TAFA5: variants seen among roughly 807,000 people sequenced by gnomAD.
TAFA5 encodes the protein TAFA chemokine like family member 5, also known as chemokine-like protein TAFA-5.
TAFA5 carries 6 observed loss-of-function variants against 15.3 expected under a neutral mutation model. That is an observed-to-expected ratio of 0.39 (90% CI 0.21 to 0.77). The LOEUF is 0.77. Among genes scored for constraint, TAFA5 ranks in the 30% least tolerant of loss-of-function variants. The probability of loss-of-function intolerance (pLI) is 0.41; values close to 1 mark genes in which losing one functional copy is unlikely to be tolerated. For synonymous variants in TAFA5, 103 were observed against 80.7 expected (o/e 1.28, Z -1.48); for missense variants, 161 against 193.1 (o/e 0.83, Z 0.98).
chr22:48,581,160 G>A lies in TAFA5; in HGVS notation c.113-65437G>A, dbSNP rs958347793. On this transcript the variant is annotated intron_variant, in intron 1 of 3. Coordinates refer to ENST00000402357, the MANE Select transcript of TAFA5 (RefSeq NM_001082967.3). The stretch of plus-strand genomic sequence containing the variant: ...CACCGTAATGGGATTCTCATCTGCT[G>A]TGTCTCTGACAACTGTAAAAGTTAG... Among the ~76,000 whole-genome samples, 5 of 152,264 alleles carry A rather than the reference G, an allele frequency of 3.3e-5. No homozygotes were observed. The East Asian group carries it at 9.6e-4, about 29-fold the overall frequency.
At chr22:48,720,158 C>T (rs534983203) in intron 3 of TAFA5, among the ~76,000 whole-genome samples, 24 of 152,188 alleles carry the variant, frequency 1.6e-4, no homozygotes, top group Non-Finnish European at 3.1e-4. Context: ...GTGGGTGTGG[C>T]GGGGCTGGGG....
chr22:48,604,757 A>G (rs67694076), intron 1 of TAFA5, among the ~76,000 whole-genome samples: 24,831 of 152,062 alleles, frequency 0.16, 2,556 homozygotes, highest in African/African-American at 0.29. Context: ...AGGAACAGGA[A>G]TTTGGGGAGG....
At chr22:48,721,270 C>T (rs1929561098) in intron 3 of TAFA5, among the ~76,000 whole-genome samples, 1 of 152,224 alleles carries the variant, frequency 6.6e-6, no homozygotes, top group Non-Finnish European at 1.5e-5. Flanking sequence ...CAGCCTGGGC[C>T]ACTGCCCCCG....
At chr22:48,618,573 A>C (rs115756936) in intron 1 of TAFA5, among the ~76,000 whole-genome samples, 2,229 of 151,910 alleles carry the variant, frequency 0.015, 57 homozygotes, top group African/African-American at 0.051. Context: ...CCGTCTGGGA[A>C]GTCCTGGAGG....
intron 2 of TAFA5, among the ~76,000 whole-genome samples, chr22:48,655,235 G>A (rs1927193491): frequency 6.6e-6 from 1 of 152,244 alleles, no homozygotes; most frequent in South Asian, 2.1e-4. Context: ...CTGGCAGGAT[G>A]CAGAGTGGAC....
chr22:48,536,187 C>CCGACACA (rs1922156298), intron 1 of TAFA5, among the ~76,000 whole-genome samples: 2 of 152,180 alleles, frequency 1.3e-5, no homozygotes, highest in African/African-American at 4.8e-5. Flanking sequence ...CCCCCATGCC[C>CCGACACA]CGACACACAC....
Position 48,552,172 on chromosome 22 carries a change from C to A in TAFA5, c.112+62468C>A, listed in dbSNP as rs1022621268. ...CACCAGAGAGCCCCTCCCAAGGAGT[C>A]ACCAGTCACAGCGGACCTCACATGG... On this transcript the variant is annotated intron_variant, in intron 1 of 3. Transcript: ENST00000402357. This position sits in a 1 kb window ranked among gnomAD's most constrained non-coding sequence, Gnocchi z 4.1. Among the ~76,000 whole-genome samples the A allele has an allele frequency of 1.7e-4, 26 of 152,204 alleles. No homozygotes were observed. Among genetic ancestry groups the A allele is most frequent in the African/African-American group, 6.3e-4 (26 of 41,448 alleles).
chr22:48,674,993 G>A (rs1168451332), intron 2 of TAFA5, among the ~76,000 whole-genome samples: 2 of 151,328 alleles, frequency 1.3e-5, no homozygotes, highest in Non-Finnish European at 1.5e-5. Context: ...CAGGCTTGGA[G>A]TGCAGTGGCG....
At chr22:48,497,107 T>C (rs5768680) in intron 1 of TAFA5, among the ~76,000 whole-genome samples, 61,396 of 151,968 alleles carry the variant, frequency 0.4, 13,665 homozygotes, top group African/African-American at 0.59. Context: ...CCAGCTCCAC[T>C]CCCCACGGGC....
At chr22:48,547,268 T>G (rs1238704037) in intron 1 of TAFA5, 2 of 152,312 alleles carry the variant, frequency 1.3e-5, no homozygotes, top group Non-Finnish European at 2.9e-5. Context: ...GAAGCTCCTC[T>G]TCCTCTGCTG....
chr22:48,527,907 T>G (rs915686514), intron 1 of TAFA5, among the ~76,000 whole-genome samples: 1 of 152,184 alleles, frequency 6.6e-6, no homozygotes, highest in Non-Finnish European at 1.5e-5. Context: ...CCGTAACAGG[T>G]GCAATCCCGC....
intron 1 of TAFA5, among the ~76,000 whole-genome samples, chr22:48,500,308 T>G (rs1387123668): frequency 1.3e-5 from 2 of 152,206 alleles, no homozygotes; most frequent in African/African-American, 4.8e-5. Flanking sequence ...AAAGTGATGC[T>G]TGTTTGCTTT....
intron 2 of TAFA5, among the ~76,000 whole-genome samples, chr22:48,678,848 C>A (rs1322736549): frequency 1.3e-5 from 2 of 152,310 alleles, no homozygotes; most frequent in African/African-American, 4.8e-5. Context: ...ATGTTGGAAG[C>A]CTGTCTCTGA....
intron 2 of TAFA5, among the ~76,000 whole-genome samples, chr22:48,659,022 G>A (rs1927343781): frequency 6.6e-6 from 1 of 152,178 alleles, no homozygotes; most frequent in Non-Finnish European, 1.5e-5. Context: ...CAGGACACCC[G>A]GGGACCTTGA....
At chr22:48,746,310 C>G (rs1197450586) in intron 3 of TAFA5, among the ~76,000 whole-genome samples, 1 of 151,922 alleles carries the variant, frequency 6.6e-6, no homozygotes, top group Non-Finnish European at 1.5e-5. Context: ...CCCAGTCACC[C>G]GTCACTCTCA....
At chr22:48,577,714 C>G (rs9615929) in intron 1 of TAFA5, among the ~76,000 whole-genome samples, 1 of 152,230 alleles carries the variant, frequency 6.6e-6, no homozygotes, top group Non-Finnish European at 1.5e-5. Flanking sequence ...CTCCACGGGC[C>G]TGGTGTCCAC....
intron 1 of TAFA5, among the ~76,000 whole-genome samples, chr22:48,629,298 C>G (rs990445303): frequency 6.6e-6 from 1 of 152,172 alleles, no homozygotes; most frequent in African/African-American, 2.4e-5. Context: ...TCCCATCCTC[C>G]GGCTCAGGAA....
At chr22:48,655,456 A>G (rs1174852976) in intron 2 of TAFA5, among the ~76,000 whole-genome samples, 1 of 152,150 alleles carries the variant, frequency 6.6e-6, no homozygotes, top group African/African-American at 2.4e-5. Flanking sequence ...TTGTGTGGTG[A>G]GGGCTGCATT....
chr22:48,523,442 T>G (rs1459939045), intron 1 of TAFA5, among the ~76,000 whole-genome samples: 3 of 152,236 alleles, frequency 2.0e-5, no homozygotes, highest in African/African-American at 4.8e-5. Flanking sequence ...ACTTATCTCC[T>G]GGCTGTTGGC....
Sources: allele counts gnomAD v4.1 joint callset (sites outside exome capture counted in the v4.1 genomes callset), GRCh38; gene constraint gnomAD v4.1.1; non-coding constraint Gnocchi (gnomAD v3.1); transcripts MANE v1.5; gene names NCBI Gene and HGNC (gene_info 2026-07-23, HGNC 2026-07-21).